ACBD6: variants seen among roughly 807,000 people sequenced by gnomAD.
ACBD6 encodes the protein acyl-CoA-binding domain-containing protein 6.
In ACBD6, 28 loss-of-function variants were observed where a neutral mutation model predicts 37.2. The observed-to-expected ratio is 0.75, with a 90% CI of 0.56 to 1.03. ACBD6 has a LOEUF of 1.03. Among genes scored for constraint, ACBD6 ranks in the 50% least tolerant of loss-of-function variants. The probability of loss-of-function intolerance (pLI) is 0.00; values close to 1 mark genes in which losing one functional copy is unlikely to be tolerated. For synonymous variants in ACBD6, 113 were observed against 126.8 expected, an observed-to-expected ratio of 0.89 and a Z score of 0.73; for missense variants, 340 against 337.4, an observed-to-expected ratio of 1.01 and a Z score of -0.06.
Position 180,502,366 on chromosome 1 carries a change from C to A in ACBD6, c.-100G>T, listed in dbSNP as rs1652021649. 7.4e-7 allele frequency: 1 copy of A among 1,351,894 alleles called. No individual in the cohort carries two copies. Among genetic ancestry groups the A allele is most frequent in the Non-Finnish European group, 1.0e-6 (1 of 964,400 alleles). 83.7% of individuals were successfully genotyped at this position (1,351,894 alleles called of 1,614,324 possible). The stretch of plus-strand genomic sequence containing the variant: ...TGGCCCACCAGTCTGGGTCGCGAGC[C>A]TGAGCTCCAGTCGGACCCAAGCTCA... On this transcript the variant is annotated 5_prime_UTR_variant, in exon 1 of 8. It adds an upstream start codon to the 5' untranslated region. Coordinates refer to ENST00000367595, the MANE Select transcript of ACBD6 (RefSeq NM_032360.4).
intron 6 of ACBD6, among the ~76,000 whole-genome samples, chr1:180,362,513 A>G (rs143640193): frequency 1.3e-5 from 2 of 152,360 alleles, no homozygotes; most frequent in African/African-American, 4.8e-5. Flanking sequence ...ATATGCTTTA[A>G]TAATTAGAAT....
At chr1:180,349,940 T>A (rs1652342948) in intron 6 of ACBD6, among the ~76,000 whole-genome samples, 2 of 151,456 alleles carry the variant, frequency 1.3e-5, no homozygotes, top group South Asian at 4.2e-4. Flanking sequence ...TTCCTCCTCC[T>A]AACAACTGCA....
At chr1:180,287,831 G>A (rs925897917), downstream of ACBD6, among the ~76,000 whole-genome samples, 3 of 151,994 alleles carry the variant, frequency 2.0e-5, no homozygotes, top group African/African-American at 7.2e-5. Flanking sequence ...CACCCCTTAC[G>A]TGACAAAATT....
rs1207484271 is a variant in ACBD6 at position 180,274,804 on chromosome 1, G to T, written c.*783C>A. 26 of 543,386 alleles carry T rather than the reference G, an allele frequency of 4.8e-5. 1 individual carries two copies. Among genetic ancestry groups the T allele is most frequent in the Non-Finnish European group, 7.4e-5 (23 of 310,290 alleles). 33.7% of individuals were successfully genotyped at this position (543,386 alleles called of 1,614,324 possible). A position where few individuals can be genotyped will look rare whatever the true frequency, so the allele number is the denominator to read the frequency against. On this transcript the variant is annotated 3_prime_UTR_variant, in exon 10 of 14. Transcript: ENST00000642319. ...CTCATCTCAGAACACAGCACAGGGG[G>T]TAATGGCCTAGAGCTCTAGGGACAC...
At chr1:180,409,990 T>C (rs927664749) in intron 5 of ACBD6, among the ~76,000 whole-genome samples, 8 of 152,228 alleles carry the variant, frequency 5.3e-5, no homozygotes, top group African/African-American at 1.7e-4. Context: ...AAAAGTGCTA[T>C]TTCAGTGAGC....
Position 180,378,800 on chromosome 1 carries a change from C to A in ACBD6, c.663+18716G>T, listed in dbSNP as rs554691768. 3.3e-5 allele frequency among the ~76,000 whole-genome samples: 5 copies of A among 152,200 alleles called. No individual in the cohort carries two copies. In the South Asian group the frequency reaches 6.2e-4, roughly 19 times the overall value. On this transcript the variant is annotated intron_variant, in intron 6 of 7. Coordinates refer to ENST00000367595, the MANE Select transcript of ACBD6 (RefSeq NM_032360.4). ...GGCACCCCCCAGCATGTGCTACCTG[C>A]AGATTTGGGCACTGGCCCACTCCAC...
At chr1:180,298,877 G>T (rs144570362) in intron 7 of ACBD6, among the ~76,000 whole-genome samples, 11 of 152,282 alleles carry the variant, frequency 7.2e-5, no homozygotes, top group African/African-American at 2.6e-4. Flanking sequence ...ATAACTTAAA[G>T]GACAAGGGTC....
In ACBD6 at chr1:180,322,703, T is replaced by C. The variant is rs148613636; in HGVS notation, c.664-7981A>G. Among the ~76,000 whole-genome samples, 250 of 151,864 alleles carry C rather than the reference T, an allele frequency of 1.6e-3. 1 individual carries two copies. The highest frequency in any genetic ancestry group is 6.6e-3 in the South Asian group (32 of 4,826). The stretch of plus-strand genomic sequence containing the variant: ...TGAATTTCAGTGGTATTGGCTGTAA[T>C]GTCTACCTTTTCATCTCTGATTTTA... On this transcript the variant is annotated intron_variant, in intron 6 of 7. Transcript: ENST00000367595.
intron 3 of ACBD6, among the ~76,000 whole-genome samples, chr1:180,484,891 C>T (rs1651198875): frequency 6.6e-6 from 1 of 151,838 alleles, no homozygotes; most frequent in Admixed American, 6.6e-5. Flanking sequence ...TGGTGAAACC[C>T]CGTCTCTACT....
chr1:180,435,772 T>G, intron 3 of ACBD6: 1 of 870,718 alleles, frequency 1.1e-6, no homozygotes, highest in Admixed American at 1.7e-5. Flanking sequence ...AGTATCAGAT[T>G]GACTCTGACA....
chr1:180,327,039 A>G (rs1456390671), intron 6 of ACBD6, among the ~76,000 whole-genome samples: 1 of 152,112 alleles, frequency 6.6e-6, no homozygotes, highest in Admixed American at 6.6e-5. Context: ...TCCCTAGGTC[A>G]TGTGCTGCCC....
At chr1:180,421,032 C>T (rs1357998805) in intron 4 of ACBD6, among the ~76,000 whole-genome samples, 2 of 151,400 alleles carry the variant, frequency 1.3e-5, no homozygotes, top group Admixed American at 6.6e-5. Flanking sequence ...TTTTCAAGTT[C>T]GGGGTACATG....
At chr1:180,292,437 A>G (rs989363658) in intron 7 of ACBD6, among the ~76,000 whole-genome samples, 9 of 152,196 alleles carry the variant, frequency 5.9e-5, no homozygotes, top group Admixed American at 2.0e-4. Flanking sequence ...TGCAAATAAT[A>G]TCTTTTAAAA....
chr1:180,294,812 AGCCTCCTG>A (rs1417358186), intron 7 of ACBD6, among the ~76,000 whole-genome samples: 40 of 151,952 alleles, frequency 2.6e-4, no homozygotes, highest in Non-Finnish European at 4.1e-4. Context: ...CTCCTGCCTC[AGCCTCCTG>A]AGTAGCTGGG....
intron 3 of ACBD6, among the ~76,000 whole-genome samples, chr1:180,477,434 T>C (rs1360364869): frequency 6.6e-6 from 1 of 152,172 alleles, no homozygotes; most frequent in Non-Finnish European, 1.5e-5. Context: ...GGATAGACCA[T>C]TAAATGTTTT....
intron 4 of ACBD6, among the ~76,000 whole-genome samples, chr1:180,423,490 A>G (rs544878833): frequency 6.6e-6 from 1 of 152,310 alleles, no homozygotes; most frequent in African/African-American, 2.4e-5. Context: ...AAATTCTTAA[A>G]GCCTTCAAAT....
At chr1:180,378,310 A>G (rs1220329616) in intron 6 of ACBD6, among the ~76,000 whole-genome samples, 1 of 152,212 alleles carries the variant, frequency 6.6e-6, no homozygotes, top group Admixed American at 6.5e-5. Context: ...GCATAAGGAT[A>G]ATTAAAGTAT....
At position 180,435,635 on chromosome 1, in the gene ACBD6, A is replaced by G. The variant is rs1018842882; in HGVS notation, c.385-5373T>C. The stretch of plus-strand genomic sequence containing the variant: ...CAAGACTTATGAATTCCAGCTTCAC[A>G]CTAATATGAATGACGGGACAGAGTT... On this transcript the variant is annotated intron_variant, in intron 3 of 7. Coordinates refer to ENST00000367595, the MANE Select transcript of ACBD6 (RefSeq NM_032360.4). The G allele has an allele frequency of 1.4e-5, 14 of 1,029,994 alleles. No homozygotes were observed. The African/African-American group carries it at 2.2e-4, about 16-fold the overall frequency. 63.8% of individuals were successfully genotyped at this position (1,029,994 alleles called of 1,614,324 possible). A position where few individuals can be genotyped will look rare whatever the true frequency, so the allele number is the denominator to read the frequency against.
At chr1:180,352,001 C>T (rs1652438953) in intron 6 of ACBD6, among the ~76,000 whole-genome samples, 2 of 152,280 alleles carry the variant, frequency 1.3e-5, no homozygotes, top group African/African-American at 4.8e-5. Flanking sequence ...CATGCTACAA[C>T]ATAAACCTTG....
Sources: gnomAD v4.1 joint callset for allele counts (sites outside exome capture counted in the v4.1 genomes callset) on GRCh38, gnomAD v4.1.1 for gene constraint, MANE v1.5 for transcripts, NCBI Gene and HGNC (gene_info 2026-07-23, HGNC 2026-07-21) for gene names.